The following EPG5 variants were observed in gnomAD, a reference collection of about 807,000 sequenced individuals.
The protein encoded by EPG5 is ectopic P-granules 5 autophagy tethering factor.
In EPG5, 159 loss-of-function variants were observed where a neutral mutation model predicts 302.7. The observed-to-expected ratio is 0.53, with a 90% confidence interval of 0.46 to 0.60. The LOEUF (loss-of-function observed/expected upper bound fraction) is 0.60. Ranked by LOEUF, EPG5 falls within the 20% of genes least tolerant of loss-of-function variation. The pLI is 0.00. For missense variants in EPG5, 2,896 were observed against 3,092.4 expected, an observed-to-expected ratio of 0.94 and a Z score of 1.51; for synonymous variants, 1,158 against 1,136.8, an observed-to-expected ratio of 1.02 and a Z score of -0.37.
At chr18:45,882,880 G>A (rs897232125) in intron 30 of EPG5, among the ~76,000 whole-genome samples, 3 of 151,914 alleles carry the variant, frequency 2.0e-5, no homozygotes, top group Non-Finnish European at 2.9e-5. Context: ...GGTGGCATAT[G>A]CCTGTAATCC....
chr18:45,869,202 G>T (rs2048817776), intron 36 of EPG5, among the ~76,000 whole-genome samples: 1 of 152,058 alleles, frequency 6.6e-6, no homozygotes, highest in Admixed American at 6.5e-5. Context: ...TCAAAATGAA[G>T]ATTAAAAGCT....
intron 10 of EPG5, among the ~76,000 whole-genome samples, chr18:45,937,235 TACACACACACAC>T (rs57593059): frequency 5.3e-4 from 72 of 136,852 alleles, no homozygotes; most frequent in Admixed American, 8.2e-4. Context: ...TACATATATA[TACACACACACAC>T]ACACACACAC....
chr18:45,953,702 C>T (rs747295707), intron 2 of EPG5: 182 of 985,244 alleles, frequency 1.8e-4, no homozygotes, highest in Admixed American at 4.9e-4. Context: ...CTGTGTTACA[C>T]ATCAGGGACT....
At chr18:45,958,702 A>T (rs1292783875) in intron 1 of EPG5, among the ~76,000 whole-genome samples, 1 of 152,252 alleles carries the variant, frequency 6.6e-6, no homozygotes. Flanking sequence ...AAACTTTTAA[A>T]CTGTTAGAAG....
chr18:45,948,237 T>C (rs1036899391), intron 6 of EPG5, among the ~76,000 whole-genome samples: 1 of 152,250 alleles, frequency 6.6e-6, no homozygotes, highest in Non-Finnish European at 1.5e-5. Flanking sequence ...AAGAAACAGA[T>C]CACCTTTTTT....
chr18:45,877,862 G>A (rs1229027103), intron 34 of EPG5, among the ~76,000 whole-genome samples: 2 of 152,060 alleles, frequency 1.3e-5, no homozygotes, highest in African/African-American at 4.8e-5. Context: ...GCTTCTGCTT[G>A]TATACTTTCA....
chr18:45,911,782 G>A (rs925588334), intron 22 of EPG5, among the ~76,000 whole-genome samples: 4 of 152,190 alleles, frequency 2.6e-5, no homozygotes, highest in African/African-American at 9.6e-5. Context: ...ATGAGGAATT[G>A]AGGCAGGAGC....
In EPG5 at chr18:45,901,151, TA is replaced by T; in HGVS notation, c.4490del (p.Leu1497Ter). The T allele has an allele frequency of 6.2e-7, 1 of 1,614,060 alleles. No homozygotes were observed. Among genetic ancestry groups the T allele is most frequent in the Non-Finnish European group, 8.5e-7 (1 of 1,179,998 alleles). On this transcript the variant is annotated frameshift_variant, in exon 26 of 44. Transcript: ENST00000282041. LOFTEE classifies it high-confidence loss of function. Reference sequence around the variant, plus strand: ...GAGCCTCATGCTTCCGCAAGTTACTTAAAACCCTTTCTTTAGCTGAAAGAAA... The same window carrying T: ...GAGCCTCATGCTTCCGCAAGTTACTTAAACCCTTTCTTTAGCTGAAAGAAA... ...TDPLLAKERV[L>X]SNLRKHEAPQ... is the part of the protein sequence containing the mutation.
At chr18:45,839,913 G>A in the EPG5 span, among the ~76,000 whole-genome samples, 4 of 152,242 alleles carry the variant, frequency 2.6e-5, no homozygotes, top group Admixed American at 6.5e-5. Flanking sequence ...CAGTGGCCCT[G>A]GCTGCTGCTG....
chr18:45,907,813 T>C (rs1020976143), intron 24 of EPG5, 145 bp downstream of exon 24: 73 of 775,246 alleles, frequency 9.4e-5, no homozygotes, highest in Non-Finnish European at 1.2e-4. Context: ...ATCACTTAGA[T>C]ACTGACAAAA....
Position 45,908,149 on chromosome 18 carries a change from T to C in EPG5, c.4206-68A>G. 2.3e-6 allele frequency: 3 copies of C among 1,281,050 alleles called. No homozygotes were observed. In the South Asian group the frequency reaches 4.2e-5, roughly 18 times the overall value. 79.4% of individuals were successfully genotyped at this position (1,281,050 alleles called of 1,614,324 possible). On this transcript the variant is annotated intron_variant, in intron 23 of 43. Coordinates refer to ENST00000282041, the MANE Select transcript of EPG5 (RefSeq NM_020964.3). ...GCATACAAACAAAGCTTCTTACATCTCTAGGAACACTGGCACCCCTACATA... is the reference window on the plus strand; with the variant it reads ...GCATACAAACAAAGCTTCTTACATCCCTAGGAACACTGGCACCCCTACATA...
chr18:45,876,075 A>C (rs1335886327), intron 35 of EPG5, among the ~76,000 whole-genome samples, 161 bp downstream of exon 35: 1 of 152,118 alleles, frequency 6.6e-6, no homozygotes, highest in East Asian at 1.9e-4. Flanking sequence ...AAAAAAAAAA[A>C]AAGTTACACA....
chr18:45,912,584 T>A lies in EPG5; in HGVS notation c.3817-128A>T, dbSNP rs2049930827. The A allele has an allele frequency of 7.8e-6, 8 of 1,031,604 alleles. No individual in the cohort carries two copies. The South Asian group carries it at 1.2e-4, about 15-fold the overall frequency. The allele number at this position is 1,031,604 out of a possible 1,614,324, so 63.9% of individuals were successfully genotyped here. Reference sequence around the variant, plus strand: ...AATTCAATAATATATTTTTTAAAAGTCACATAAAACTCACTTCTCCAATCC... The same window carrying A: ...AATTCAATAATATATTTTTTAAAAGACACATAAAACTCACTTCTCCAATCC... On this transcript the variant is annotated intron_variant, in intron 21 of 43. Coordinates refer to ENST00000282041, the MANE Select transcript of EPG5 (RefSeq NM_020964.3).
Position 45,860,085 on chromosome 18 carries a change from T to C in EPG5, c.7009+19A>G. On this transcript the variant is annotated intron_variant, in intron 40 of 43. Coordinates refer to ENST00000282041, the MANE Select transcript of EPG5 (RefSeq NM_020964.3). ...TGGAAAAGACCAATACAATGGAGCG[T>C]AAGATGACCTCCTCTTACTTTCTTT... The C allele has an allele frequency of 6.2e-7, 1 of 1,613,920 alleles. No homozygotes were observed. Among genetic ancestry groups the C allele is most frequent in the Non-Finnish European group, 8.5e-7 (1 of 1,179,922 alleles).
Position 45,867,766 on chromosome 18 carries a change from A to T in EPG5, c.6226-18T>A. On this transcript the variant is annotated intron_variant, in intron 36 of 43. Transcript: ENST00000282041. ...CGTTCCACCTAAAAGAAAATGAATT[A>T]AAATCATTCTGTTGCCTTGTGCTAT... The T allele has an allele frequency of 6.3e-7, 1 of 1,577,078 alleles. No homozygotes were observed. The highest frequency in any genetic ancestry group is 8.6e-7 in the Non-Finnish European group (1 of 1,160,488).
intron 4 of EPG5, among the ~76,000 whole-genome samples, chr18:45,950,708 A>C (rs889363793): frequency 1.3e-5 from 2 of 152,190 alleles, no homozygotes; most frequent in Non-Finnish European, 2.9e-5. Context: ...TTAGGTGTGG[A>C]ATTTTCCACT....
intron 3 of EPG5, among the ~76,000 whole-genome samples, chr18:45,951,736 G>C (rs1599643065): frequency 6.6e-6 from 1 of 152,204 alleles, no homozygotes; most frequent in Admixed American, 6.5e-5. Flanking sequence ...TGGGATTACA[G>C]GTGTGAGCCA....
At chr18:45,885,947 T>C (rs2049208704) in intron 29 of EPG5, among the ~76,000 whole-genome samples, 1 of 152,156 alleles carries the variant, frequency 6.6e-6, no homozygotes, top group South Asian at 2.1e-4. Flanking sequence ...GCATATAACT[T>C]AACAAGTACT....
intron 11 of EPG5, among the ~76,000 whole-genome samples, chr18:45,931,521 A>G (rs913805955): frequency 5.3e-5 from 8 of 152,208 alleles, no homozygotes; most frequent in Non-Finnish European, 1.0e-4. Context: ...GCAGAAAGGA[A>G]AAAAAGCCCA....
Sources: allele counts gnomAD v4.1 joint callset (sites outside exome capture counted in the v4.1 genomes callset), GRCh38; gene constraint gnomAD v4.1.1; transcripts MANE v1.5; gene names NCBI Gene and HGNC (gene_info 2026-07-23, HGNC 2026-07-21).